BAG6: variants seen among roughly 807,000 people sequenced by gnomAD.
BAG6 encodes the protein BAG cochaperone 6.
A neutral mutation model predicts 121.0 loss-of-function variants in BAG6; 22 were observed. The observed-to-expected ratio is 0.18, with a 90% CI of 0.13 to 0.26. The LOEUF (loss-of-function observed/expected upper bound fraction) is 0.26. Among genes scored for constraint, BAG6 ranks in the 10% least tolerant of loss-of-function variants. The pLI is 1.00. For synonymous variants in BAG6, 583 were observed against 584.6 expected (o/e 1.00, Z 0.04); for missense variants, 1,233 against 1,537.7 (o/e 0.80, Z 3.31).
In BAG6 at chr6:31,640,433, C is replaced by T. The variant is rs1483717039; in HGVS notation, c.3090G>A (p.Gln1030=). 1.2e-6 allele frequency: 2 copies of T among 1,613,906 alleles called. No individual in the cohort carries two copies. ...GTTCTGTCTCAGCTGAAGCTCCATC[C>T]TGTTCATCCCGGGAGCCCCCCTCAG... ...PAPEGGSRDE[Q]DGASAETEPW... The change falls in exon 23 of 26, where the codon CAG becomes CAA. Residue 1030 remains glutamine, a synonymous_variant. Transcript: ENST00000676615. This position sits in a 1 kb window ranked among gnomAD's most constrained non-coding sequence, Gnocchi z 4.2.
At chr6:31,649,681 C>T (rs1267853444) in intron 2 of BAG6, 54 bp from the exon 3 acceptor site, 1 of 1,499,420 alleles carries the variant, frequency 6.7e-7, no homozygotes, top group East Asian at 2.3e-5. Flanking sequence ...AGAGGAAGAA[C>T]AAAGACAGAC....
chr6:31,642,391 C>A lies in BAG6; in HGVS notation c.2056G>T (p.Ala686Ser). 3 of 931,702 alleles carry A rather than the reference C, an allele frequency of 3.2e-6. No homozygotes were observed. The highest frequency in any genetic ancestry group is 4.9e-6 in the Non-Finnish European group (3 of 612,870). The allele number at this position is 931,702 out of a possible 1,614,324, so 57.7% of individuals were successfully genotyped here. ...MTDFLQATQT[A>S]PPPPPPPPPP... Reference sequence around the variant, plus strand: ...GGAGGAGGTGGGGGTGGTGGAGGGGCTGTCTGTGTTGCCTGGCAAATAAAG... The same window carrying A: ...GGAGGAGGTGGGGGTGGTGGAGGGGATGTCTGTGTTGCCTGGCAAATAAAG... Residue 686 changes from alanine (A) to serine (S), a missense_variant, in exon 16 of 26, where the codon GCC (alanine) becomes TCC (serine). Around this residue, in one of 7 missense-constraint regions of BAG6, gnomAD observed 777 missense variants for 861.4 expected, o/e 0.90. Coordinates refer to ENST00000676615, the MANE Select transcript of BAG6 (RefSeq NM_001387994.1).
Position 31,642,985 on chromosome 6 carries a change from T to G in BAG6, c.1887A>C (p.Gln629His). ...AGAACTGAAGATCAGCCATGGAGGG[T>G]TGAGGGGTGGGTGGAGGCTGGGCAG... ...GGPAQPPPTP[Q>H]PSMADLQFSQ... The change falls in exon 15 of 26, where the codon CAA becomes CAC. Residue 629 changes from glutamine to histidine, a missense_variant. By Grantham distance (24) the Gln-to-His change is conservative (BLOSUM62 0). Transcript: ENST00000676615. 1 of 1,597,556 alleles carries G rather than the reference T, an allele frequency of 6.3e-7. No individual in the cohort carries two copies.
Position 31,651,658 on chromosome 6 carries a change from G to T in BAG6, c.106C>A (p.Gln36Lys). The change falls in exon 2 of 26, where the codon CAG becomes AAG. Residue 36 changes from glutamine to lysine, a missense_variant and splice_region_variant. Gln to Lys is a moderately conservative substitution (Grantham distance 53, BLOSUM62 1). Around this residue, in one of 7 missense-constraint regions of BAG6, gnomAD observed 28 missense variants for 24.5 expected, o/e 1.14. Coordinates refer to ENST00000676615, the MANE Select transcript of BAG6 (RefSeq NM_001387994.1). ...SQTRTFIVGAQMNVKEFKEHI... is the reference protein window; with the variant it reads ...SQTRTFIVGAKMNVKEFKEHI... ...CCAGAACTAGTGAGGTGTCTCACCTGGGCCCCCACAATAAAGGTACGAGTT... is the reference window on the plus strand; with the variant it reads ...CCAGAACTAGTGAGGTGTCTCACCTTGGCCCCCACAATAAAGGTACGAGTT... The T allele has an allele frequency of 6.2e-7, 1 of 1,612,902 alleles. No individual in the cohort carries two copies. The highest frequency in any genetic ancestry group is 8.5e-7 in the Non-Finnish European group (1 of 1,179,882).
At position 31,647,735 on chromosome 6, in the gene BAG6, G is replaced by C; in HGVS notation, c.644C>G (p.Ser215Ter). Residue 215 changes from serine to a stop codon, truncating the protein, a stop_gained, in exon 7 of 26, where the codon TCA becomes TGA. Transcript: ENST00000676615. LOFTEE classifies it high-confidence loss of function. ...PEPVALSSQT[S>*]EPVESEAPPR... ...AGGTGCTTCACTTTCAACTGGTTCT[G>C]ATGTTTGAGAGCTCAAGGCTACTGG... 1.2e-6 allele frequency: 2 copies of C among 1,605,004 alleles called. No individual in the cohort carries two copies. Among genetic ancestry groups the C allele is most frequent in the South Asian group, 2.2e-5 (2 of 89,826 alleles).
chr6:31,642,058 A>G, intron 16 of BAG6, 54 bp downstream of exon 16: 2 of 1,597,106 alleles, frequency 1.3e-6, no homozygotes, highest in Non-Finnish European at 1.7e-6. Flanking sequence ...AAGGCCATCT[A>G]CATTCCTCTG....
chr6:31,641,964 T>C lies in BAG6; in HGVS notation c.2336-19A>G, dbSNP rs765951278. ...AAGAATCCTGGGGGACAAGGGCAGA[T>C]GTTAGCAATGGCCTTTACCACCTGG... On this transcript the variant is annotated intron_variant, in intron 16 of 25. Coordinates refer to ENST00000676615, the MANE Select transcript of BAG6 (RefSeq NM_001387994.1). This position sits in a 1 kb window ranked among gnomAD's most constrained non-coding sequence, Gnocchi z 5.7. 1 of 1,611,990 alleles carries C rather than the reference T, an allele frequency of 6.2e-7. No homozygotes were observed. Among genetic ancestry groups the C allele is most frequent in the Non-Finnish European group, 8.5e-7 (1 of 1,179,300 alleles).
rs1390477838 is a variant in BAG6 at position 31,644,257 on chromosome 6, C to T, written c.1555+50G>A. On this transcript the variant is annotated intron_variant, in intron 12 of 25. Coordinates refer to ENST00000676615, the MANE Select transcript of BAG6 (RefSeq NM_001387994.1). This position sits in a 1 kb window ranked among gnomAD's most constrained non-coding sequence, Gnocchi z 4.9. ...GGGCCAGGCCCTTGCCAGCCAGCTG[C>T]CACCATGGACTGTGCCCTACCTCCC... is the stretch of plus-strand genomic sequence containing the variant. The T allele has an allele frequency of 4.5e-6, 7 of 1,565,328 alleles. No homozygotes were observed. The East Asian group carries it at 1.4e-4, about 32-fold the overall frequency.
intron 14 of BAG6, among the ~76,000 whole-genome samples, 170 bp downstream of exon 14, chr6:31,643,720 T>TAAAAAAAAA (rs764068214): frequency 1.0e-4 from 1 of 9,664 alleles, no homozygotes; most frequent in Non-Finnish European, 1.8e-4. Context: ...AGACTCCATC[T>TAAAAAAAAA]CAAAAAAAAA....
chr6:31,641,644 T>G lies in BAG6; in HGVS notation c.2506-52A>C, dbSNP rs1318733144. ...TTCAAAGCCTCAGTCCTCCCAAGACTTCCACCTCGACCCCAACAAGTCCAG... is the reference window on the plus strand; with the variant it reads ...TTCAAAGCCTCAGTCCTCCCAAGACGTCCACCTCGACCCCAACAAGTCCAG... On this transcript the variant is annotated intron_variant, in intron 17 of 25. Transcript: ENST00000676615. This position sits in a 1 kb window ranked among gnomAD's most constrained non-coding sequence, Gnocchi z 5.7. 9 of 1,613,310 alleles carry G rather than the reference T, an allele frequency of 5.6e-6. No homozygotes were observed. The highest frequency in any genetic ancestry group is 6.8e-6 in the Non-Finnish European group (8 of 1,179,372).
rs1786156015 is a variant in BAG6, at chr6:31,644,210, G to A, written c.1556-16C>T. ...ACCTGCTGTCCTGTGGGTGGCAGAAGAGACAGACCGAAGAGGGCTGAGGGC... is the reference window on the plus strand; with the variant it reads ...ACCTGCTGTCCTGTGGGTGGCAGAAAAGACAGACCGAAGAGGGCTGAGGGC... On this transcript the variant is annotated splice_polypyrimidine_tract_variant and intron_variant, in intron 12 of 25. Coordinates refer to ENST00000676615, the MANE Select transcript of BAG6 (RefSeq NM_001387994.1). The surrounding 1 kb of genome is among the most constrained non-coding windows in gnomAD (Gnocchi z 4.9). The A allele has an allele frequency of 6.2e-7, 1 of 1,608,184 alleles. No homozygotes were observed. The highest frequency in any genetic ancestry group is 8.5e-7 in the Non-Finnish European group (1 of 1,177,648).
At chr6:31,648,600 T>C in intron 6 of BAG6, 77 bp downstream of exon 6, 1 of 1,432,910 alleles carries the variant, frequency 7.0e-7, no homozygotes, top group Non-Finnish European at 9.7e-7. Context: ...ATGTGGCCAG[T>C]GAAGCCCTAA....
chr6:31,642,493 C>G (rs1463067618), intron 15 of BAG6, 90 bp from the exon 16 acceptor site: 2 of 680,528 alleles, frequency 2.9e-6, no homozygotes, highest in East Asian at 5.4e-5. Flanking sequence ...CACAAACCAA[C>G]GGGTCTGGGA....
rs1786519097 is a variant in BAG6, at chr6:31,644,412, A to T, written c.1450T>A (p.Ser484Thr). ...AGGGAGGGCAGCTGGATGAGGGTGG[A>T]GCCTGGGGGGCGGGTCTGATGTAAC... Reference protein sequence around the residue: ...GPPGHGQTLGSTLIQLPSLPP... With the variant: ...GPPGHGQTLGTTLIQLPSLPP... The change falls in exon 12 of 26, where the codon TCC becomes ACC. Residue 484 changes from serine to threonine, a missense_variant and splice_region_variant. By Grantham distance (58) the Ser-to-Thr change is moderately conservative. Around this residue, in one of 7 missense-constraint regions of BAG6, gnomAD observed 777 missense variants for 861.4 expected, o/e 0.90. Transcript: ENST00000676615. This position sits in a 1 kb window ranked among gnomAD's most constrained non-coding sequence, Gnocchi z 4.9. 6.4e-7 allele frequency: 1 copy of T among 1,551,740 alleles called. No individual in the cohort carries two copies.
Position 31,641,053 on chromosome 6 carries a change from G to A in BAG6, c.2787+51C>T. ...AAGAAAAATGAAAACTGCAGAGAAT[G>A]GAAACCTCAGGAAACAAAAGGCTAA... is the stretch of plus-strand genomic sequence containing the variant. On this transcript the variant is annotated intron_variant, in intron 20 of 25. Transcript: ENST00000676615. The surrounding 1 kb of genome is among the most constrained non-coding windows in gnomAD (Gnocchi z 5.7). The A allele has an allele frequency of 6.2e-7, 1 of 1,606,368 alleles. No individual in the cohort carries two copies. Among genetic ancestry groups the A allele is most frequent in the Non-Finnish European group, 8.5e-7 (1 of 1,175,878 alleles).
Position 31,651,659 on chromosome 6 carries a change from G to C in BAG6, c.105C>G (p.Ala35=). 1 of 1,612,928 alleles carries C rather than the reference G, an allele frequency of 6.2e-7. No homozygotes were observed. Among genetic ancestry groups the C allele is most frequent in the Non-Finnish European group, 8.5e-7 (1 of 1,179,930 alleles). The change falls in exon 2 of 26, where the codon GCC becomes GCG. Residue 35 remains alanine (A), a synonymous_variant. Coordinates refer to ENST00000676615, the MANE Select transcript of BAG6 (RefSeq NM_001387994.1). ...DSQTRTFIVG[A]QMNVKEFKEH... ...CAGAACTAGTGAGGTGTCTCACCTG[G>C]GCCCCCACAATAAAGGTACGAGTTT...
In BAG6 at chr6:31,643,020, G is replaced by A; in HGVS notation, c.1852C>T (p.Pro618Ser). ...GGTGGAGGCTGGGCAGGCCCCCCAG[G>A]AGCGGGGCCAGCTGTGGTAGCTGTG... Reference protein sequence around the residue: ...TNTATTAGPAPGGPAQPPPTP... With the variant: ...TNTATTAGPASGGPAQPPPTP... The change falls in exon 15 of 26, where the codon CCT (proline) becomes TCT (serine). Residue 618 changes from proline (P) to serine (S), a missense_variant. Around this residue, in one of 7 missense-constraint regions of BAG6, gnomAD observed 777 missense variants for 861.4 expected, o/e 0.90. Coordinates refer to ENST00000676615, the MANE Select transcript of BAG6 (RefSeq NM_001387994.1). 6 of 1,590,478 alleles carry A rather than the reference G, an allele frequency of 3.8e-6. No individual in the cohort carries two copies. Among genetic ancestry groups the A allele is most frequent in the Non-Finnish European group, 5.1e-6 (6 of 1,169,730 alleles).
chr6:31,644,923 T>C lies in BAG6; in HGVS notation c.1369+23A>G. On this transcript the variant is annotated intron_variant, in intron 10 of 25. Coordinates refer to ENST00000676615, the MANE Select transcript of BAG6 (RefSeq NM_001387994.1). This position sits in a 1 kb window ranked among gnomAD's most constrained non-coding sequence, Gnocchi z 4.9. The stretch of plus-strand genomic sequence containing the variant: ...CTCCCTCATCATGCTGATCCTGCTC[T>C]TCTCGCCAGCAACTATTCTCACCTT... 2 of 1,552,302 alleles carry C rather than the reference T, an allele frequency of 1.3e-6. No individual in the cohort carries two copies. Among genetic ancestry groups the C allele is most frequent in the Non-Finnish European group, 1.7e-6 (2 of 1,147,954 alleles).
rs1792797571 is a variant in BAG6, at chr6:31,648,581, AC to A, written c.552+95del. On this transcript the variant is annotated intron_variant, in intron 6 of 25. Coordinates refer to ENST00000676615, the MANE Select transcript of BAG6 (RefSeq NM_001387994.1). ...GAGAAGACTAGATTATGAAGGCCAA[AC>A]CCTGTGGATGTGGCCAGTGAAGCCC... 9.7e-6 allele frequency: 12 copies of A among 1,237,852 alleles called. No individual in the cohort carries two copies. The East Asian group carries it at 2.8e-4, about 29-fold the overall frequency. 76.7% of individuals were successfully genotyped at this position (1,237,852 alleles called of 1,614,324 possible). A position where few individuals can be genotyped will look rare whatever the true frequency, so the allele number is the denominator to read the frequency against.
Sources: allele counts gnomAD v4.1 joint callset (sites outside exome capture counted in the v4.1 genomes callset), GRCh38; gene constraint gnomAD v4.1.1; regional missense constraint gnomAD v4.1.1; non-coding constraint Gnocchi (gnomAD v3.1); transcripts MANE v1.5; gene names NCBI Gene and HGNC (gene_info 2026-07-23, HGNC 2026-07-21).